Variants in TMEM132C observed in about 807,000 individuals in gnomAD.
The protein encoded by TMEM132C is transmembrane protein 132C, also known as protein phosphatase 1, regulatory subunit 152.
Under a neutral mutation model 61.4 loss-of-function variants are expected in TMEM132C, and 29 were observed. The ratio of observed to expected loss-of-function variants is 0.47; its 90% CI spans 0.35 to 0.64. The LOEUF (loss-of-function observed/expected upper bound fraction) is 0.64. Among genes scored for constraint, TMEM132C ranks in the 30% least tolerant of loss-of-function variants. The pLI is 0.00. For synonymous variants in TMEM132C, 656 were observed against 633.1 expected (o/e 1.04, Z -0.54); for missense variants, 1,408 against 1,476.9 (o/e 0.95, Z 0.76).
intron 1 of TMEM132C, among the ~76,000 whole-genome samples, chr12:128,351,599 C>T (rs1873339194): frequency 6.6e-6 from 1 of 151,980 alleles, no homozygotes; most frequent in Non-Finnish European, 1.5e-5. Context: ...TGGGGAGGCC[C>T]TCAGGCTGCT....
intron 1 of TMEM132C, among the ~76,000 whole-genome samples, chr12:128,412,361 T>G (rs1432840580): frequency 6.6e-6 from 1 of 152,188 alleles, no homozygotes; most frequent in African/African-American, 2.4e-5. Context: ...TAACCAACCT[T>G]GTAGACTCTG....
At chr12:128,291,126 C>T (rs1332810124) in intron 1 of TMEM132C, among the ~76,000 whole-genome samples, 2 of 152,166 alleles carry the variant, frequency 1.3e-5, no homozygotes, top group Non-Finnish European at 2.9e-5. Context: ...ACAGGAATCC[C>T]CAAATTCTCG....
intron 1 of TMEM132C, among the ~76,000 whole-genome samples, chr12:128,352,378 G>A (rs1873365973): frequency 6.6e-6 from 1 of 152,074 alleles, no homozygotes; most frequent in South Asian, 2.1e-4. Context: ...TCACAAGAAC[G>A]GCATGGGGAA....
chr12:128,545,043 GT>G (rs1380550104), intron 3 of TMEM132C, among the ~76,000 whole-genome samples: 1 of 152,180 alleles, frequency 6.6e-6, no homozygotes, highest in Admixed American at 6.5e-5. Context: ...TGAGGCTGAG[GT>G]TTGGGGCATG....
chr12:128,661,559 T>TAAA (rs55750879), intron 4 of TMEM132C, among the ~76,000 whole-genome samples: 3 of 131,858 alleles, frequency 2.3e-5, no homozygotes, highest in African/African-American at 2.7e-5. Context: ...GAGAAGATGC[T>TAAA]AAAAAAAAAA....
intron 2 of TMEM132C, among the ~76,000 whole-genome samples, chr12:128,516,532 G>A (rs1040713113): frequency 3.9e-5 from 6 of 152,030 alleles, no homozygotes; most frequent in East Asian, 1.9e-4. Flanking sequence ...GTTCGGTGCC[G>A]TGATAGGAGT....
Position 128,323,332 on chromosome 12 carries a change from C to T in TMEM132C, c.85+55845C>T, listed in dbSNP as rs538835963. ...TCAGGTCCATCAGTGGAAGATTGGCCTTGAGCCACTGTACACAGAATGGAG... is the reference window on the plus strand; with the variant it reads ...TCAGGTCCATCAGTGGAAGATTGGCTTTGAGCCACTGTACACAGAATGGAG... On this transcript the variant is annotated intron_variant, in intron 1 of 8. Transcript: ENST00000435159. Among the ~76,000 whole-genome samples, 3 of 152,302 alleles carry T rather than the reference C, an allele frequency of 2.0e-5. No homozygotes were observed. The East Asian group carries it at 5.8e-4, about 29-fold the overall frequency.
At chr12:128,472,231 A>G (rs1285677116) in intron 2 of TMEM132C, among the ~76,000 whole-genome samples, 3 of 152,170 alleles carry the variant, frequency 2.0e-5, no homozygotes, top group African/African-American at 7.2e-5. Flanking sequence ...ATGAGATAAT[A>G]CAAGATTAAA....
intron 2 of TMEM132C, among the ~76,000 whole-genome samples, chr12:128,478,141 G>GA (rs1172532064): frequency 6.6e-6 from 1 of 152,066 alleles, no homozygotes; most frequent in African/African-American, 2.4e-5. Context: ...ATCTCTATTG[G>GA]AAAAAAGTAG....
chr12:128,399,223 G>C (rs929357754), intron 1 of TMEM132C, among the ~76,000 whole-genome samples: 5 of 152,198 alleles, frequency 3.3e-5, no homozygotes, highest in Non-Finnish European at 5.9e-5. Flanking sequence ...TCTGTAATTA[G>C]TGGGAAAGAA....
chr12:128,622,000 G>A (rs541566342), intron 4 of TMEM132C, among the ~76,000 whole-genome samples: 31 of 152,088 alleles, frequency 2.0e-4, no homozygotes, highest in East Asian at 3.9e-4. Flanking sequence ...AATGCTGCAC[G>A]CTCCCTCTAG....
intron 1 of TMEM132C, among the ~76,000 whole-genome samples, chr12:128,378,431 T>TTA (rs1555221303): frequency 6.6e-6 from 1 of 151,520 alleles, no homozygotes; most frequent in Non-Finnish European, 1.5e-5. Context: ...CAGATTTTTT[T>TTA]AAAAAAATTA....
In TMEM132C at chr12:128,311,306, A is replaced by G. The variant is rs142512096; in HGVS notation, c.85+43819A>G. Reference sequence around the variant, plus strand: ...TAAGCTGGATCCGAAGGTTGCACGCAGCCTCGCCTCACTTCTGTGACCGTA... The same window carrying G: ...TAAGCTGGATCCGAAGGTTGCACGCGGCCTCGCCTCACTTCTGTGACCGTA... On this transcript the variant is annotated intron_variant, in intron 1 of 8. Coordinates refer to ENST00000435159, the MANE Select transcript of TMEM132C (RefSeq NM_001136103.3). 2.1e-3 allele frequency among the ~76,000 whole-genome samples: 320 copies of G among 152,328 alleles called. 1 individual carries two copies. The highest frequency in any genetic ancestry group is 7.0e-3 in the African/African-American group (293 of 41,582).
At chr12:128,580,685 C>T (rs142762553) in intron 3 of TMEM132C, among the ~76,000 whole-genome samples, 188 of 152,268 alleles carry the variant, frequency 1.2e-3, no homozygotes, top group African/African-American at 4.4e-3. Flanking sequence ...TGGCATTGAT[C>T]AGGATGGAGA....
At chr12:128,620,876 G>A (rs1393010008) in intron 4 of TMEM132C, among the ~76,000 whole-genome samples, 2 of 151,666 alleles carry the variant, frequency 1.3e-5, no homozygotes, top group African/African-American at 4.9e-5. Flanking sequence ...TAAAAATAAA[G>A]TGGCAATCAG....
intron 1 of TMEM132C, among the ~76,000 whole-genome samples, chr12:128,274,908 A>G (rs1423930128): frequency 6.6e-6 from 1 of 152,212 alleles, no homozygotes; most frequent in Non-Finnish European, 1.5e-5. Context: ...AGGGATGCAC[A>G]CAGATTGTGT....
chr12:128,528,726 AAT>A (rs1000882710), intron 2 of TMEM132C, among the ~76,000 whole-genome samples: 1 of 152,044 alleles, frequency 6.6e-6, no homozygotes, highest in African/African-American at 2.4e-5. Context: ...GATAACCAAA[AAT>A]GCCTCCAGAC....
chr12:128,513,877 A>C, intron 2 of TMEM132C, among the ~76,000 whole-genome samples: 1 of 152,202 alleles, frequency 6.6e-6, no homozygotes, highest in East Asian at 1.9e-4. Flanking sequence ...CTGACCAAAA[A>C]GTGATCAAGA....
At chr12:128,622,360 A>AAAATATATAT (rs1277080166) in intron 4 of TMEM132C, among the ~76,000 whole-genome samples, 9 of 30,124 alleles carry the variant, frequency 3.0e-4, no homozygotes, top group East Asian at 1.1e-3. Flanking sequence ...AAAAAAAAAA[A>AAAATATATAT]ATATATATAT....
Sources: allele counts gnomAD v4.1 joint callset (sites outside exome capture counted in the v4.1 genomes callset), GRCh38; gene constraint gnomAD v4.1.1; transcripts MANE v1.5; gene names NCBI Gene and HGNC (gene_info 2026-07-23, HGNC 2026-07-21).